Variants in PTGER3 observed in about 807,000 individuals in gnomAD.
PTGER3 encodes the protein prostaglandin E receptor 3.
PTGER3 carries 22 observed loss-of-function variants against 34.7 expected under a neutral mutation model. The observed-to-expected ratio is 0.63, with a 90% CI of 0.45 to 0.91. The LOEUF is 0.91. Among genes scored for constraint, PTGER3 ranks in the 40% least tolerant of loss-of-function variants. PTGER3 has a pLI of 0.00. For synonymous variants in PTGER3, 241 were observed against 230.1 expected (o/e 1.05, Z -0.43); for missense variants, 468 against 519.4 (o/e 0.90, Z 0.96).
intron 4 of PTGER3, among the ~76,000 whole-genome samples, chr1:70,920,537 T>A (rs1326360261): frequency 6.6e-6 from 1 of 152,238 alleles, no homozygotes; most frequent in Non-Finnish European, 1.5e-5. Context: ...AGGTTTTTAC[T>A]TTGTTTCCTC....
intron 4 of PTGER3, among the ~76,000 whole-genome samples, chr1:70,862,019 A>T (rs1188258107): frequency 1.3e-5 from 2 of 151,878 alleles, no homozygotes; most frequent in African/African-American, 4.8e-5. Context: ...TGTTTAATCA[A>T]TGAAAAGTGG....
intron 4 of PTGER3, among the ~76,000 whole-genome samples, chr1:70,855,327 TAGAG>T (rs1412979717): frequency 2.6e-5 from 4 of 152,028 alleles, no homozygotes; most frequent in African/African-American, 7.2e-5. Context: ...GAAGGGGAAA[TAGAG>T]AGTTGTTTTT....
At chr1:70,977,449 T>C (rs1196108101) in intron 2 of PTGER3, among the ~76,000 whole-genome samples, 1 of 152,052 alleles carries the variant, frequency 6.6e-6, no homozygotes, top group East Asian at 1.9e-4. Flanking sequence ...ATGTCATTAA[T>C]AGTTCTTTCT....
chr1:70,986,775 A>C (rs1321269835), intron 2 of PTGER3, among the ~76,000 whole-genome samples: 1 of 152,210 alleles, frequency 6.6e-6, no homozygotes, highest in Admixed American at 6.5e-5. Flanking sequence ...GGCTAAGGAA[A>C]GGGCGTGCTG....
chr1:70,966,256 A>G (rs1345042550), downstream of PTGER3, among the ~76,000 whole-genome samples: 1 of 152,180 alleles, frequency 6.6e-6, no homozygotes, highest in Non-Finnish European at 1.5e-5. Context: ...TGTCAAGGTA[A>G]GAAATTAGAT....
At chr1:71,028,045 C>A (rs981086728) in intron 1 of PTGER3, among the ~76,000 whole-genome samples, 1 of 152,140 alleles carries the variant, frequency 6.6e-6, no homozygotes, top group Non-Finnish European at 1.5e-5. Context: ...GTGTAGGTAT[C>A]ATCACTGCAG....
chr1:70,946,921 CTT>C (rs1314261666), intron 4 of PTGER3, among the ~76,000 whole-genome samples: 2 of 152,020 alleles, frequency 1.3e-5, no homozygotes, highest in East Asian at 3.8e-4. Context: ...CTTGAGCAGA[CTT>C]ATATAATTCC....
intron 4 of PTGER3, among the ~76,000 whole-genome samples, chr1:70,867,698 C>T (rs895818700): frequency 5.8e-4 from 88 of 152,042 alleles, no homozygotes; most frequent in African/African-American, 2.1e-3. Context: ...GCACTCCAGC[C>T]TGGGTGACAG....
At chr1:70,916,196 A>T (rs1647172739) in intron 4 of PTGER3, among the ~76,000 whole-genome samples, 1 of 152,004 alleles carries the variant, frequency 6.6e-6, no homozygotes, top group South Asian at 2.1e-4. Context: ...ACAATCTCAC[A>T]CCAGTCAGAA....
intron 2 of PTGER3, chr1:71,007,452 C>T: frequency 1.0e-6 from 1 of 985,282 alleles, no homozygotes; most frequent in African/African-American, 1.7e-5. Context: ...CAGACAAGAC[C>T]CCTGGCCACT....
chr1:70,853,122 C>T (rs879917989), intron 4 of PTGER3, among the ~76,000 whole-genome samples: 1 of 152,092 alleles, frequency 6.6e-6, no homozygotes, highest in African/African-American at 2.4e-5. Flanking sequence ...GAAGAAGATC[C>T]TATATTCCTT....
At chr1:71,006,948 G>C (rs1657021806) in intron 2 of PTGER3, 1 of 985,354 alleles carries the variant, frequency 1.0e-6, no homozygotes, top group Admixed American at 6.2e-5. Flanking sequence ...TGACTTGAAT[G>C]CCAGCAAAAG....
At chr1:70,880,710 A>C (rs1646373024) in intron 4 of PTGER3, among the ~76,000 whole-genome samples, 1 of 151,810 alleles carries the variant, frequency 6.6e-6, no homozygotes, top group African/African-American at 2.4e-5. Flanking sequence ...AAAAAAAAAA[A>C]AAGAATGGTG....
At chr1:70,856,933 G>A (rs918012606) in intron 4 of PTGER3, among the ~76,000 whole-genome samples, 1 of 152,170 alleles carries the variant, frequency 6.6e-6, no homozygotes, top group African/African-American at 2.4e-5. Flanking sequence ...AGATTTGTTG[G>A]TGTTAATATT....
chr1:70,968,809 G>C (rs1324581215), downstream of PTGER3, among the ~76,000 whole-genome samples: 5 of 151,458 alleles, frequency 3.3e-5, no homozygotes, highest in African/African-American at 7.3e-5. Flanking sequence ...ATTTCTCATT[G>C]TATGAGAAGT....
chr1:71,023,347 C>A (rs1310458138), intron 1 of PTGER3, among the ~76,000 whole-genome samples: 1 of 151,884 alleles, frequency 6.6e-6, no homozygotes, highest in Non-Finnish European at 1.5e-5. Context: ...TTCCTGCTAC[C>A]TTTCTGGGTA....
At chr1:70,961,684 G>T (rs570706930) in intron 2 of PTGER3, among the ~76,000 whole-genome samples, 2 of 152,320 alleles carry the variant, frequency 1.3e-5, no homozygotes, top group East Asian at 3.9e-4. Context: ...TTACGTGTGA[G>T]TTATGCTCTA....
intron 2 of PTGER3, chr1:71,012,088 T>C (rs1317789467): frequency 2.0e-6 from 3 of 1,494,136 alleles, no homozygotes; most frequent in Admixed American, 4.6e-5. Context: ...CTAAGACCAT[T>C]TAGCTTTATA....
chr1:71,007,397 T>A (rs997696370), intron 2 of PTGER3: 3 of 985,194 alleles, frequency 3.0e-6, no homozygotes, highest in African/African-American at 1.8e-5. Context: ...AGGAAGAGAG[T>A]TCAGCAGTCA....
Sources: gnomAD v4.1 joint callset for allele counts (sites outside exome capture counted in the v4.1 genomes callset) on GRCh38, gnomAD v4.1.1 for gene constraint, MANE v1.5 for transcripts, NCBI Gene and HGNC (gene_info 2026-07-23, HGNC 2026-07-21) for gene names.